PCDHGA10: variants seen among roughly 807,000 people sequenced by gnomAD.
PCDHGA10 encodes protocadherin gamma subfamily A, 10.
PCDHGA10 carries 42 observed loss-of-function variants against 59.5 expected under a neutral mutation model. The ratio of observed to expected loss-of-function variants is 0.71; its 90% CI spans 0.55 to 0.91. PCDHGA10 has a LOEUF of 0.91. Among genes scored for constraint, PCDHGA10 ranks in the 40% least tolerant of loss-of-function variants. The pLI is 0.00. For missense variants in PCDHGA10, 1,111 were observed against 1,198.2 expected (o/e 0.93, Z 1.07); for synonymous variants, 511 against 517.2 (o/e 0.99, Z 0.16).
At position 141,489,886 on chromosome 5, in the gene PCDHGA10, G is replaced by A; in HGVS notation, c.2437-4921G>A. ...ACATCAGCTGGTGCTTACTGCTGTG[G>A]ATGGGGGGACCCCAGCCCGCTCAGG... is the stretch of plus-strand genomic sequence containing the variant. On this transcript the variant is annotated intron_variant, in intron 1 of 3. Transcript: ENST00000398610. This position sits in a 1 kb window ranked among gnomAD's most constrained non-coding sequence, Gnocchi z 4.5. 6.2e-7 allele frequency: 1 copy of A among 1,614,256 alleles called. No individual in the cohort carries two copies. The highest frequency in any genetic ancestry group is 8.5e-7 in the Non-Finnish European group (1 of 1,180,044).
Position 141,431,690 on chromosome 5 carries a change from G to A in PCDHGA10, c.2436+16079G>A. 1.2e-6 allele frequency: 2 copies of A among 1,614,234 alleles called. No individual in the cohort carries two copies. Among genetic ancestry groups the A allele is most frequent in the Non-Finnish European group, 8.5e-7 (1 of 1,180,040 alleles). On this transcript the variant is annotated intron_variant, in intron 1 of 3. Coordinates refer to ENST00000398610, the MANE Select transcript of PCDHGA10 (RefSeq NM_018913.3). The surrounding 1 kb of genome is among the most constrained non-coding windows in gnomAD (Gnocchi z 4.8). ...AACAATAGGGGAGTTGGACCACGAG[G>A]AGTCAGGATTCTACCAGATGGAAGT... is the stretch of plus-strand genomic sequence containing the variant.
At chr5:141,445,169 T>C (rs2098458681) in intron 1 of PCDHGA10, among the ~76,000 whole-genome samples, 3 of 152,320 alleles carry the variant, frequency 2.0e-5, no homozygotes, top group Non-Finnish European at 1.5e-5. Flanking sequence ...TACAGAAAAA[T>C]GAAAAACTAT....
At position 141,487,635 on chromosome 5, in the gene PCDHGA10, A is replaced by C. The variant is rs1594699829; in HGVS notation, c.2437-7172A>C. 1.2e-6 allele frequency: 2 copies of C among 1,614,204 alleles called. No individual in the cohort carries two copies. Among genetic ancestry groups the C allele is most frequent in the Non-Finnish European group, 1.7e-6 (2 of 1,180,034 alleles). On this transcript the variant is annotated intron_variant, in intron 1 of 3. Transcript: ENST00000398610. The surrounding 1 kb of genome is among the most constrained non-coding windows in gnomAD (Gnocchi z 5.0). Reference sequence around the variant, plus strand: ...CTAGAGGTGAGACCTTTGCAGGCTCAACAAATGCTTGAGGGTTATTCTGAT... The same window carrying C: ...CTAGAGGTGAGACCTTTGCAGGCTCCACAAATGCTTGAGGGTTATTCTGAT...
chr5:141,420,840 TC>T (rs1453160032), intron 1 of PCDHGA10, among the ~76,000 whole-genome samples: 1 of 152,250 alleles, frequency 6.6e-6, no homozygotes, highest in Admixed American at 6.5e-5. Flanking sequence ...TCGCAGGTGT[TC>T]TTGGTAAAGT....
chr5:141,438,231 TG>T (rs987686126), intron 1 of PCDHGA10, among the ~76,000 whole-genome samples: 1 of 152,082 alleles, frequency 6.6e-6, no homozygotes, highest in African/African-American at 2.4e-5. Context: ...TTCAGGAAAA[TG>T]TTTTTAAAAA....
In PCDHGA10 at chr5:141,489,958, C is replaced by T; in HGVS notation, c.2437-4849C>T. 1 of 1,614,202 alleles carries T rather than the reference C, an allele frequency of 6.2e-7. No individual in the cohort carries two copies. The highest frequency in any genetic ancestry group is 8.5e-7 in the Non-Finnish European group (1 of 1,180,016). On this transcript the variant is annotated intron_variant, in intron 1 of 3. Transcript: ENST00000398610. This position sits in a 1 kb window ranked among gnomAD's most constrained non-coding sequence, Gnocchi z 4.5. ...CGTGCTGGACATCAATGATAATGCT[C>T]CAACCTTCCAATCCTCAGTTCTACG... is the stretch of plus-strand genomic sequence containing the variant.
At chr5:141,442,837 A>G (rs2098346617) in intron 1 of PCDHGA10, among the ~76,000 whole-genome samples, 1 of 152,202 alleles carries the variant, frequency 6.6e-6, no homozygotes, top group Admixed American at 6.5e-5. Flanking sequence ...GGGAGGGACA[A>G]ATCTTGGCCA....
chr5:141,501,164 G>C (rs991995325), intron 2 of PCDHGA10, among the ~76,000 whole-genome samples: 32 of 152,144 alleles, frequency 2.1e-4, no homozygotes, highest in African/African-American at 7.7e-4. Context: ...ACCATCCCCA[G>C]CCTCATTTAC....
Position 141,477,029 on chromosome 5 carries a change from A to G in PCDHGA10, c.2437-17778A>G. 6.2e-7 allele frequency: 1 copy of G among 1,614,238 alleles called. No homozygotes were observed. The highest frequency in any genetic ancestry group is 8.5e-7 in the Non-Finnish European group (1 of 1,180,040). ...CTTAGACCTTGTAACCGGGATGCTG[A>G]CAATCAAGGGTCGGCTGGACTTCGA... On this transcript the variant is annotated intron_variant, in intron 1 of 3. Coordinates refer to ENST00000398610, the MANE Select transcript of PCDHGA10 (RefSeq NM_018913.3). The surrounding 1 kb of genome is among the most constrained non-coding windows in gnomAD (Gnocchi z 4.9).
intron 1 of PCDHGA10, chr5:141,419,364 C>T (rs1360235541): frequency 1.1e-5 from 18 of 1,613,690 alleles, no homozygotes; most frequent in Non-Finnish European, 1.3e-5. Flanking sequence ...CGAACGCTGT[C>T]GTCCTACGTG....
At chr5:141,467,582 TGCCATTTATTAA>T (rs2099146610) in intron 1 of PCDHGA10, among the ~76,000 whole-genome samples, 2 of 152,216 alleles carry the variant, frequency 1.3e-5, no homozygotes, top group Non-Finnish European at 1.5e-5. Context: ...GTTGTCCCAA[TGCCATTTATTAA>T]GCACTTCATC....
chr5:141,421,879 G>T (rs1458461652), intron 1 of PCDHGA10: 1 of 1,613,746 alleles, frequency 6.2e-7, no homozygotes, highest in Non-Finnish European at 8.5e-7. Context: ...AGCTTTAGAT[G>T]GAGGCGATCC....
At position 141,413,858 on chromosome 5, in the gene PCDHGA10, G is replaced by T; in HGVS notation, c.683G>T (p.Gly228Val). ...ASDGGDPLRSGTVLVSVTVFD... is the reference protein window; with the variant it reads ...ASDGGDPLRSVTVLVSVTVFD... ...GACGGGGGTGACCCTCTCCGATCTG[G>T]CACTGTCCTTGTCAGTGTGACTGTC... Residue 228 changes from glycine (G) to valine (V), a missense_variant, in exon 1 of 4, where the codon GGC (glycine) becomes GTC (valine). Coordinates refer to ENST00000398610, the MANE Select transcript of PCDHGA10 (RefSeq NM_018913.3). The T allele has an allele frequency of 6.2e-7, 1 of 1,613,258 alleles. No individual in the cohort carries two copies. Among genetic ancestry groups the T allele is most frequent in the Non-Finnish European group, 8.5e-7 (1 of 1,179,854 alleles).
chr5:141,446,639 G>T (rs1461520959), intron 1 of PCDHGA10, among the ~76,000 whole-genome samples: 7 of 152,116 alleles, frequency 4.6e-5, no homozygotes, highest in Non-Finnish European at 8.8e-5. Flanking sequence ...ACCACGCCTG[G>T]CTAATTTTTG....
intron 1 of PCDHGA10, among the ~76,000 whole-genome samples, chr5:141,454,252 A>T (rs1288181537): frequency 6.6e-6 from 1 of 152,214 alleles, no homozygotes; most frequent in Non-Finnish European, 1.5e-5. Context: ...AAGATGTCCC[A>T]GAGAAAGTAA....
intron 1 of PCDHGA10, among the ~76,000 whole-genome samples, chr5:141,483,201 C>A (rs2099578254): frequency 6.6e-6 from 1 of 152,108 alleles, no homozygotes; most frequent in Non-Finnish European, 1.5e-5. Context: ...TTATTTTATT[C>A]CATATAGATG....
Position 141,432,229 on chromosome 5 carries a change from C to T in PCDHGA10, c.2436+16618C>T, listed in dbSNP as rs1246285803. Reference sequence around the variant, plus strand: ...AAGAGAACGCCCAGATCACTTATTCCCTGGCTGAGAACACCATCCAAGGGG... The same window carrying T: ...AAGAGAACGCCCAGATCACTTATTCTCTGGCTGAGAACACCATCCAAGGGG... On this transcript the variant is annotated intron_variant, in intron 1 of 3. Coordinates refer to ENST00000398610, the MANE Select transcript of PCDHGA10 (RefSeq NM_018913.3). The surrounding 1 kb of genome is among the most constrained non-coding windows in gnomAD (Gnocchi z 6.0). The T allele has an allele frequency of 6.2e-7, 1 of 1,614,232 alleles. No homozygotes were observed.
At chr5:141,419,686 G>T (rs551990092) in intron 1 of PCDHGA10, 2 of 1,612,878 alleles carry the variant, frequency 1.2e-6, no homozygotes, top group South Asian at 1.1e-5. Flanking sequence ...ACCACGTGGT[G>T]CAGGCCAGTG....
Position 141,489,806 on chromosome 5 carries a change from A to G in PCDHGA10, c.2437-5001A>G. 1 of 1,614,198 alleles carries G rather than the reference A, an allele frequency of 6.2e-7. No homozygotes were observed. Among genetic ancestry groups the G allele is most frequent in the South Asian group, 1.1e-5 (1 of 91,082 alleles). Reference sequence around the variant, plus strand: ...AATGTGAAGACCCTAAAAGATGGGAAGCCATTCCCAGAGCTGGTGCTAGAG... The same window carrying G: ...AATGTGAAGACCCTAAAAGATGGGAGGCCATTCCCAGAGCTGGTGCTAGAG... On this transcript the variant is annotated intron_variant, in intron 1 of 3. Coordinates refer to ENST00000398610, the MANE Select transcript of PCDHGA10 (RefSeq NM_018913.3). The surrounding 1 kb of genome is among the most constrained non-coding windows in gnomAD (Gnocchi z 4.5).
Sources: gnomAD v4.1 joint callset for allele counts (sites outside exome capture counted in the v4.1 genomes callset) on GRCh38, gnomAD v4.1.1 for gene constraint, Gnocchi (gnomAD v3.1) non-coding constraint, MANE v1.5 for transcripts, NCBI Gene and HGNC (gene_info 2026-07-23, HGNC 2026-07-21) for gene names.